The following DGKB variants were observed in gnomAD, a reference collection of about 807,000 sequenced individuals.
DGKB encodes the protein 90 kDa diacylglycerol kinase.
DGKB carries 67 observed loss-of-function variants against 114.3 expected under a neutral mutation model. That is an observed-to-expected ratio of 0.59 (90% confidence interval 0.48 to 0.72). The LOEUF (loss-of-function observed/expected upper bound fraction) is 0.72. DGKB is among the 30% of genes least tolerant of loss of function. The probability of loss-of-function intolerance (pLI) is 0.00; values close to 1 mark genes in which losing one functional copy is unlikely to be tolerated. For synonymous variants in DGKB, 398 were observed against 323.1 expected (o/e 1.23, Z -2.49); for missense variants, 907 against 975.2 (o/e 0.93, Z 0.93).
chr7:14,221,286 C>T (rs1017646818), intron 23 of DGKB, among the ~76,000 whole-genome samples: 6 of 151,288 alleles, frequency 4.0e-5, no homozygotes, highest in African/African-American at 1.4e-4. Context: ...TAGTATTTCA[C>T]CATTAAGTAT....
At chr7:14,942,765 A>C (rs1426751438) in intron 1 of DGKB, among the ~76,000 whole-genome samples, 1 of 152,012 alleles carries the variant, frequency 6.6e-6, no homozygotes, top group Non-Finnish European at 1.5e-5. Flanking sequence ...TATTTAATTT[A>C]GTCCTCAATA....
intron 4 of DGKB, among the ~76,000 whole-genome samples, chr7:14,747,319 A>G (rs1340791863): frequency 6.7e-6 from 1 of 149,744 alleles, no homozygotes; most frequent in Non-Finnish European, 1.5e-5. Context: ...CATCCTCCCC[A>G]GTATCTGGGA....
intron 23 of DGKB, among the ~76,000 whole-genome samples, chr7:14,280,263 A>G (rs1799736303): frequency 6.6e-6 from 1 of 152,128 alleles, no homozygotes; most frequent in Non-Finnish European, 1.5e-5. Flanking sequence ...GGTATCAGCA[A>G]TGGAAGATGA....
At chr7:14,212,777 C>T (rs1465640749) in intron 23 of DGKB, among the ~76,000 whole-genome samples, 1 of 151,960 alleles carries the variant, frequency 6.6e-6, no homozygotes, top group African/African-American at 2.4e-5. Context: ...TTCTAAAGTA[C>T]CTAGTCCTTC....
At chr7:14,474,477 A>G (rs1204246878) in intron 21 of DGKB, among the ~76,000 whole-genome samples, 1 of 152,178 alleles carries the variant, frequency 6.6e-6, no homozygotes, top group African/African-American at 2.4e-5. Context: ...TACTTTTCCT[A>G]TAACTGGTTC....
chr7:14,258,906 T>C (rs558774977), intron 23 of DGKB, among the ~76,000 whole-genome samples: 11 of 152,290 alleles, frequency 7.2e-5, no homozygotes, highest in African/African-American at 2.2e-4. Context: ...TGAATTATTA[T>C]TGGGGGGCAC....
At chr7:14,889,077 A>C (rs1260311960) in intron 1 of DGKB, among the ~76,000 whole-genome samples, 1 of 151,698 alleles carries the variant, frequency 6.6e-6, no homozygotes, top group East Asian at 1.9e-4. Context: ...CAGAATAAAA[A>C]GGCTGTTCAG....
At chr7:14,269,430 C>T (rs1346013117) in intron 23 of DGKB, among the ~76,000 whole-genome samples, 1 of 152,174 alleles carries the variant, frequency 6.6e-6, no homozygotes, top group African/African-American at 2.4e-5. Flanking sequence ...CAAGAATCAA[C>T]TTAAATGGTC....
intron 13 of DGKB, among the ~76,000 whole-genome samples, chr7:14,641,941 T>G (rs953697050): frequency 3.3e-4 from 50 of 152,240 alleles, no homozygotes; most frequent in African/African-American, 1.2e-3. Flanking sequence ...TGACGTAGGT[T>G]CTTTTTCATT....
At chr7:14,831,847 C>T (rs1490851795) in intron 2 of DGKB, among the ~76,000 whole-genome samples, 2 of 151,988 alleles carry the variant, frequency 1.3e-5, no homozygotes, top group Non-Finnish European at 2.9e-5. Flanking sequence ...ATAAACTACG[C>T]TTATTTACGT....
chr7:14,583,223 G>A, intron 17 of DGKB, 86 bp from the exon 18 acceptor site: 2 of 716,518 alleles, frequency 2.8e-6, no homozygotes, highest in South Asian at 4.3e-5. Flanking sequence ...TTTACCCGAT[G>A]AAATACGTTT....
chr7:14,170,027 G>C (rs1336853916), intron 25 of DGKB, among the ~76,000 whole-genome samples: 2 of 151,444 alleles, frequency 1.3e-5, no homozygotes, highest in East Asian at 2.0e-4. Flanking sequence ...CCAGCTACTT[G>C]GGAGGCTGAG....
At chr7:14,666,195 T>A (rs1817986558) in intron 13 of DGKB, among the ~76,000 whole-genome samples, 1 of 152,046 alleles carries the variant, frequency 6.6e-6, no homozygotes, top group African/African-American at 2.4e-5. Context: ...TGAGAAGAAC[T>A]TTTGTCAGGT....
intron 21 of DGKB, among the ~76,000 whole-genome samples, chr7:14,381,831 A>G (rs1819526842): frequency 6.6e-6 from 1 of 152,178 alleles, no homozygotes; most frequent in Non-Finnish European, 1.5e-5. Context: ...CTTAAATTAT[A>G]TTGGTCCCAG....
At chr7:14,158,203 T>C (rs1459391296) in intron 25 of DGKB, among the ~76,000 whole-genome samples, 1 of 152,242 alleles carries the variant, frequency 6.6e-6, no homozygotes. Flanking sequence ...TTAGTGTTAC[T>C]ATATTTAGTC....
intron 1 of DGKB, among the ~76,000 whole-genome samples, chr7:14,952,095 T>G (rs1042486906): frequency 6.6e-6 from 1 of 151,878 alleles, no homozygotes; most frequent in South Asian, 2.1e-4. Context: ...GACTTTATCC[T>G]TACAAAAAAG....
chr7:14,326,753 C>T (rs1808814605), intron 23 of DGKB, among the ~76,000 whole-genome samples: 1 of 152,132 alleles, frequency 6.6e-6, no homozygotes, highest in African/African-American at 2.4e-5. Flanking sequence ...AACCCGCCTT[C>T]CTCTTGAAGT....
chr7:14,718,434 T>C (rs989514460), intron 6 of DGKB, 108 bp downstream of exon 6: 13 of 994,452 alleles, frequency 1.3e-5, no homozygotes, highest in Middle Eastern at 2.8e-4. Context: ...GATCACTTTA[T>C]TCAACAAAAA....
intron 2 of DGKB, among the ~76,000 whole-genome samples, chr7:14,774,389 C>T (rs1419655295): frequency 1.3e-5 from 2 of 152,164 alleles, no homozygotes; most frequent in Non-Finnish European, 2.9e-5. Context: ...ATTTGTTCCA[C>T]TTGAAATCTG....
Sources: gnomAD v4.1 joint callset for allele counts (sites outside exome capture counted in the v4.1 genomes callset) on GRCh38, gnomAD v4.1.1 for gene constraint, MANE v1.5 for transcripts, NCBI Gene and HGNC (gene_info 2026-07-23, HGNC 2026-07-21) for gene names.